The following UVRAG variants were observed in gnomAD, a reference collection of about 807,000 sequenced individuals.
UVRAG encodes UV radiation resistance associated.
UVRAG carries 19 observed loss-of-function variants against 78.0 expected under a neutral mutation model. The observed-to-expected ratio is 0.24, with a 90% CI of 0.17 to 0.36. The LOEUF (loss-of-function observed/expected upper bound fraction) is 0.36, where lower values mean the gene tolerates loss of function less well. Ranked by LOEUF, UVRAG falls within the 10% of genes least tolerant of loss-of-function variation. UVRAG has a pLI of 1.00. For synonymous variants in UVRAG, 323 were observed against 324.6 expected (o/e 1.00, Z 0.05); for missense variants, 740 against 853.8 (o/e 0.87, Z 1.66).
intron 1 of UVRAG, among the ~76,000 whole-genome samples, chr11:75,836,526 C>A (rs554064861): frequency 6.6e-6 from 1 of 152,250 alleles, no homozygotes; most frequent in Non-Finnish European, 1.5e-5. Context: ...CATGTTCTCA[C>A]CCCCATTTCT....
chr11:76,003,601 C>T (rs1199676313), intron 8 of UVRAG, among the ~76,000 whole-genome samples: 1 of 152,040 alleles, frequency 6.6e-6, no homozygotes, highest in African/African-American at 2.4e-5. Context: ...AGTCAAAATA[C>T]AGGTACTTTT....
chr11:76,053,163 G>C (rs1219181360), intron 12 of UVRAG, among the ~76,000 whole-genome samples: 6 of 151,662 alleles, frequency 4.0e-5, no homozygotes, highest in African/African-American at 1.5e-4. Context: ...AAAATTAGCT[G>C]GGTATGGTGG....
chr11:76,129,069 C>G (rs1952468472), intron 14 of UVRAG, among the ~76,000 whole-genome samples: 1 of 152,170 alleles, frequency 6.6e-6, no homozygotes, highest in African/African-American at 2.4e-5. Context: ...TTACTCCTCA[C>G]ACAGCCCTGT....
chr11:75,879,899 C>A lies in UVRAG; in HGVS notation c.291C>A (p.Leu97=). 4 of 1,613,898 alleles carry A rather than the reference C, an allele frequency of 2.5e-6. No individual in the cohort carries two copies. Among genetic ancestry groups the A allele is most frequent in the Non-Finnish European group, 3.4e-6 (4 of 1,179,844 alleles). ...AGCAGAATCCCACGTGGCGAAGTCT[C>A]GATTTTGGAATTATGCCAGACCGTC... The part of the protein sequence containing the change: ...KNSLNPTWRS[L]DFGIMPDRLD... The change falls in exon 4 of 15, where the codon CTC becomes CTA. Residue 97 remains leucine, a synonymous_variant. Transcript: ENST00000356136.
chr11:76,025,059 G>A (rs11236602), intron 12 of UVRAG, among the ~76,000 whole-genome samples: 7,879 of 152,208 alleles, frequency 0.052, 255 homozygotes, highest in Middle Eastern at 0.1. Flanking sequence ...GAAAAAGACC[G>A]ATTTCTTTTC....
intron 5 of UVRAG, among the ~76,000 whole-genome samples, chr11:75,890,824 A>G (rs567299154): frequency 2.0e-5 from 3 of 152,326 alleles, no homozygotes; most frequent in Non-Finnish European, 4.4e-5. Context: ...TAAAGTCCAC[A>G]TAGGGGGCAC....
chr11:75,856,205 G>C (rs769904546), intron 2 of UVRAG, among the ~76,000 whole-genome samples: 4 of 152,026 alleles, frequency 2.6e-5, no homozygotes, highest in Non-Finnish European at 5.9e-5. Context: ...TTGTTTCACC[G>C]TGTTAGCCAG....
intron 2 of UVRAG, among the ~76,000 whole-genome samples, chr11:75,861,142 T>G (rs922109183): frequency 6.6e-6 from 1 of 152,184 alleles, no homozygotes; most frequent in Non-Finnish European, 1.5e-5. Context: ...GTCATGAAAT[T>G]TTAATGCTTA....
chr11:75,981,465 G>C (rs752762987), intron 7 of UVRAG, among the ~76,000 whole-genome samples: 2 of 149,520 alleles, frequency 1.3e-5, no homozygotes, highest in Non-Finnish European at 3.0e-5. Flanking sequence ...TTTTTTTTGT[G>C]TGTGTGACAG....
intron 1 of UVRAG, among the ~76,000 whole-genome samples, chr11:75,825,411 C>T (rs907020540): frequency 6.6e-6 from 1 of 152,166 alleles, no homozygotes; most frequent in African/African-American, 2.4e-5. Flanking sequence ...CTGTGCCTGG[C>T]CAGTAAAGTC....
chr11:76,003,326 C>T (rs1218906030), intron 8 of UVRAG, among the ~76,000 whole-genome samples: 1 of 113,456 alleles, frequency 8.8e-6, no homozygotes, highest in Non-Finnish European at 1.6e-5. Flanking sequence ...GGCTGGAGTG[C>T]AGTGTCATGA....
intron 6 of UVRAG, among the ~76,000 whole-genome samples, chr11:75,913,594 C>CCCTG (rs1947782680): frequency 6.6e-6 from 1 of 152,136 alleles, no homozygotes; most frequent in African/African-American, 2.4e-5. Flanking sequence ...CTTCATGCAT[C>CCCTG]AGGGATGATA....
At chr11:75,920,031 T>G (rs1947944707) in intron 6 of UVRAG, among the ~76,000 whole-genome samples, 4 of 117,174 alleles carry the variant, frequency 3.4e-5, no homozygotes, top group Non-Finnish European at 5.1e-5. Context: ...TTTTTTTTTT[T>G]TTTTTTTTTT....
chr11:76,115,895 T>G, intron 13 of UVRAG, 29 bp from the exon 14 acceptor site: 1 of 1,605,936 alleles, frequency 6.2e-7, no homozygotes, highest in Non-Finnish European at 8.5e-7. Context: ...TGCCAAAATA[T>G]CTTTAATTCT....
In UVRAG at chr11:75,897,684, C is replaced by T. The variant is rs1038308164; in HGVS notation, c.507+8781C>T. Among the ~76,000 whole-genome samples, 17 of 151,888 alleles carry T rather than the reference C, an allele frequency of 1.1e-4. No individual in the cohort carries two copies. The East Asian group carries it at 3.3e-3, about 29-fold the overall frequency. ...GATTATAGGCATCCGCCACCACACC[C>T]AGCTAATTTTTGTATTTTTAGTAGA... is the stretch of plus-strand genomic sequence containing the variant. On this transcript the variant is annotated intron_variant, in intron 5 of 14. Coordinates refer to ENST00000356136, the MANE Select transcript of UVRAG (RefSeq NM_003369.4).
At chr11:75,932,362 G>A (rs1038980667) in intron 6 of UVRAG, among the ~76,000 whole-genome samples, 1 of 151,942 alleles carries the variant, frequency 6.6e-6, no homozygotes, top group African/African-American at 2.4e-5. Context: ...TTGGCTCACT[G>A]CAACCTCTGC....
chr11:75,841,353 T>C (rs760448862), intron 1 of UVRAG, among the ~76,000 whole-genome samples: 32 of 152,208 alleles, frequency 2.1e-4, no homozygotes, highest in Non-Finnish European at 3.8e-4. Context: ...GGTTATTATA[T>C]TGTTAAAAGA....
intron 14 of UVRAG, among the ~76,000 whole-genome samples, chr11:76,125,542 T>A (rs757746075): frequency 6.6e-6 from 1 of 152,140 alleles, no homozygotes; most frequent in Non-Finnish European, 1.5e-5. Flanking sequence ...TTTTTCTGCC[T>A]CCAGTCAGGA....
chr11:76,062,192 T>C (rs889842145), intron 12 of UVRAG, among the ~76,000 whole-genome samples: 1 of 152,210 alleles, frequency 6.6e-6, no homozygotes, highest in African/African-American at 2.4e-5. Flanking sequence ...TTACGATACT[T>C]ACTAGATTGA....
Sources: allele counts gnomAD v4.1 joint callset (sites outside exome capture counted in the v4.1 genomes callset), GRCh38; gene constraint gnomAD v4.1.1; transcripts MANE v1.5; gene names NCBI Gene and HGNC (gene_info 2026-07-23, HGNC 2026-07-21).